HNRNPA2B1: variants seen among roughly 807,000 people sequenced by gnomAD.
HNRNPA2B1 encodes heterogeneous nuclear ribonucleoprotein A2/B1.
In HNRNPA2B1, 3 loss-of-function variants were observed where a neutral mutation model predicts 46.3. That is an observed-to-expected ratio of 0.06 (90% confidence interval 0.03 to 0.17). The LOEUF is 0.17. Ranked by LOEUF, HNRNPA2B1 falls within the 10% of genes least tolerant of loss-of-function variation. HNRNPA2B1 has a pLI of 1.00. For missense variants in HNRNPA2B1, 221 were observed against 418.9 expected (o/e 0.53, Z 4.12); for synonymous variants, 225 against 133.8 (o/e 1.68, Z -4.70).
At chr7:26,194,013 G>T (rs1245478311) in intron 7 of HNRNPA2B1, among the ~76,000 whole-genome samples, 3 of 152,158 alleles carry the variant, frequency 2.0e-5, no homozygotes, top group Admixed American at 2.0e-4. Flanking sequence ...CTAGTAGTGT[G>T]GGCTAGAGGG....
At chr7:26,193,528 A>G (rs1164468601) in intron 8 of HNRNPA2B1, 47 bp downstream of exon 8, 1 of 1,564,082 alleles carries the variant, frequency 6.4e-7, no homozygotes, top group Non-Finnish European at 8.6e-7. Flanking sequence ...TGTTACAAAG[A>G]CATTAATTCC....
Position 26,197,454 on chromosome 7 carries a change from C to G in HNRNPA2B1, c.125G>C (p.Arg42Thr). ...TCTTGATCTTTTGCTTGCAGGATCC[C>G]TCATTACCTTTCAAACCAAAGGGTA... is the stretch of plus-strand genomic sequence containing the variant. Reference protein sequence around the residue: ...WGKLTDCVVMRDPASKRSRGF... With the variant: ...WGKLTDCVVMTDPASKRSRGF... The change falls in exon 3 of 11, where the codon AGG becomes ACG. Residue 42 changes from arginine to threonine, a missense_variant. This residue lies in a region of HNRNPA2B1 where 78 missense variants were observed against 218.5 expected (regional missense o/e 0.36). Coordinates refer to ENST00000618183, the MANE Select transcript of HNRNPA2B1 (RefSeq NM_002137.4). 6.2e-7 allele frequency: 1 copy of G among 1,613,614 alleles called. No homozygotes were observed. The highest frequency in any genetic ancestry group is 8.5e-7 in the Non-Finnish European group (1 of 1,179,810).
intron 7 of HNRNPA2B1, 116 bp from the exon 8 acceptor site, chr7:26,193,810 C>A: frequency 2.2e-6 from 2 of 926,252 alleles, no homozygotes; most frequent in Non-Finnish European, 3.3e-6. Flanking sequence ...TAATGAAATT[C>A]CTCTAAAATA....
chr7:26,195,187 C>T (rs1478200763), intron 7 of HNRNPA2B1, among the ~76,000 whole-genome samples: 1 of 150,352 alleles, frequency 6.7e-6, no homozygotes, highest in African/African-American at 2.4e-5. Flanking sequence ...ACTCAGCTTC[C>T]TCTAAAATTT....
At chr7:26,196,531 TAAAG>T (rs774090935) in intron 5 of HNRNPA2B1, 22 bp downstream of exon 5, 3 of 1,612,164 alleles carry the variant, frequency 1.9e-6, no homozygotes, top group East Asian at 4.5e-5. Flanking sequence ...TGAACAAAAA[TAAAG>T]AAGAAACAGA....
intron 5 of HNRNPA2B1, 23 bp downstream of exon 5, chr7:26,196,534 A>G: frequency 3.7e-6 from 6 of 1,612,294 alleles, no homozygotes; most frequent in Non-Finnish European, 5.1e-6. Flanking sequence ...ACAAAAATAA[A>G]GAAGAAACAG....
chr7:26,198,426 C>T (rs1049962357), intron 1 of HNRNPA2B1: 8 of 152,370 alleles, frequency 5.3e-5, no homozygotes, highest in Admixed American at 1.3e-4. Flanking sequence ...GCACTCGAAG[C>T]TTAAAAAGTT....
In HNRNPA2B1 at chr7:26,191,487, T is replaced by C. The variant is rs1165279876; in HGVS notation, c.*873A>G. 45 of 152,204 alleles carry C rather than the reference T, an allele frequency of 3.0e-4. No individual in the cohort carries two copies. Among genetic ancestry groups the C allele is most frequent in the Admixed American group, 2.9e-3 (44 of 15,284 alleles). The allele number at this position is 152,204 out of a possible 1,614,324, so 9.4% of individuals were successfully genotyped here. On this transcript the variant is annotated 3_prime_UTR_variant, in exon 11 of 11. Transcript: ENST00000618183. ...CACCCTCAGCTTTCGTTGGCATCCT[T>C]ATAAACTACTGTAGTTAAAGTTTTG...
rs1783621580 is a variant in HNRNPA2B1, at chr7:26,196,251, C to T, written c.658+150G>A. Reference sequence around the variant, plus strand: ...ACAACTCTATTAACTTCTTGTCTGGCCAAATCACAAGAGCTTGCCAGGATA... The same window carrying T: ...ACAACTCTATTAACTTCTTGTCTGGTCAAATCACAAGAGCTTGCCAGGATA... On this transcript the variant is annotated intron_variant, in intron 6 of 10. Coordinates refer to ENST00000618183, the MANE Select transcript of HNRNPA2B1 (RefSeq NM_002137.4). 1.8e-5 allele frequency: 12 copies of T among 675,602 alleles called. No homozygotes were observed. The South Asian group carries it at 2.5e-4, about 14-fold the overall frequency. 41.9% of individuals were successfully genotyped at this position (675,602 alleles called of 1,614,324 possible). A position where few individuals can be genotyped will look rare whatever the true frequency, so the allele number is the denominator to read the frequency against.
At chr7:26,198,089 T>C (rs1783867747) in intron 1 of HNRNPA2B1, 1 of 378,078 alleles carries the variant, frequency 2.6e-6, no homozygotes, top group South Asian at 9.8e-5. Context: ...AAAGGATTAT[T>C]AAAGAATCTT....
At chr7:26,197,083 A>G (rs1783724498) in intron 3 of HNRNPA2B1, 66 bp from the exon 4 acceptor site, 2 of 1,300,906 alleles carry the variant, frequency 1.5e-6, no homozygotes, top group African/African-American at 2.9e-5. Flanking sequence ...CAAAGCACCC[A>G]ACCGTAGTAC....
At position 26,200,601 on chromosome 7, in the gene HNRNPA2B1, G is replaced by A. The variant is rs1469282266; in HGVS notation, c.-24C>T. ...ATCGCGGACTCAGTCGCTTCAGCCC[G>A]ATTTCCCGCAGCCGAGCGAGATGAG... On this transcript the variant is annotated 5_prime_UTR_variant, in exon 1 of 11. Coordinates refer to ENST00000618183, the MANE Select transcript of HNRNPA2B1 (RefSeq NM_002137.4). 3 of 1,613,392 alleles carry A rather than the reference G, an allele frequency of 1.9e-6. No homozygotes were observed. Among genetic ancestry groups the A allele is most frequent in the South Asian group, 1.1e-5 (1 of 91,086 alleles).
chr7:26,196,339 A>C, intron 6 of HNRNPA2B1, 62 bp downstream of exon 6: 2 of 1,342,400 alleles, frequency 1.5e-6, no homozygotes, highest in Non-Finnish European at 2.1e-6. Context: ...ACTAATGAAA[A>C]CCTAATCATA....
At chr7:26,194,284 T>C (rs1399052753) in intron 7 of HNRNPA2B1, among the ~76,000 whole-genome samples, 1 of 151,998 alleles carries the variant, frequency 6.6e-6, no homozygotes, top group Non-Finnish European at 1.5e-5. Context: ...TAGTACTAGC[T>C]ACTCTGGAGG....
chr7:26,200,490 G>A, intron 1 of HNRNPA2B1, 82 bp downstream of exon 1: 1 of 1,403,110 alleles, frequency 7.1e-7, no homozygotes, highest in East Asian at 2.3e-5. Flanking sequence ...CTCTCCCACG[G>A]AGGCGGCTGG....
At chr7:26,198,485 T>C (rs1783934159) in intron 1 of HNRNPA2B1, 2 of 152,288 alleles carry the variant, frequency 1.3e-5, no homozygotes, top group African/African-American at 2.4e-5. Flanking sequence ...ATACAGAATA[T>C]GAATTACTCA....
rs768421852 is a variant in HNRNPA2B1 at position 26,193,399 on chromosome 7, A to ATTG, written c.842-27_842-26insCAA. 2.5e-6 allele frequency: 4 copies of ATTG among 1,602,128 alleles called. No individual in the cohort carries two copies. The Admixed American group carries it at 5.1e-5, about 20-fold the overall frequency. Reference sequence around the variant, plus strand: ...CTATTAAAAAATTGGAATACTCAGAACAATACAAACATTAAACCAAGGACT... The same window carrying ATTG: ...CTATTAAAAAATTGGAATACTCAGAATTGCAATACAAACATTAAACCAAGGACT... On this transcript the variant is annotated intron_variant, in intron 8 of 10. Coordinates refer to ENST00000618183, the MANE Select transcript of HNRNPA2B1 (RefSeq NM_002137.4).
chr7:26,194,878 G>A (rs539002825), intron 7 of HNRNPA2B1, among the ~76,000 whole-genome samples: 4 of 151,274 alleles, frequency 2.6e-5, no homozygotes, highest in Non-Finnish European at 4.4e-5. Flanking sequence ...GGCAGTTCAC[G>A]AGGTCAGGAG....
At chr7:26,194,622 G>A (rs572223546) in intron 7 of HNRNPA2B1, among the ~76,000 whole-genome samples, 1 of 151,480 alleles carries the variant, frequency 6.6e-6, no homozygotes, top group Admixed American at 6.6e-5. Flanking sequence ...GATGGCTTGA[G>A]ACTAAGATTG....
Sources: gnomAD v4.1 joint callset for allele counts (sites outside exome capture counted in the v4.1 genomes callset) on GRCh38, gnomAD v4.1.1 for gene constraint, gnomAD v4.1.1 regional missense constraint, MANE v1.5 for transcripts, NCBI Gene and HGNC (gene_info 2026-07-23, HGNC 2026-07-21) for gene names.